The following RAB3GAP1 variants were observed in gnomAD, a reference collection of about 807,000 sequenced individuals.
RAB3GAP1 encodes the protein rab3 GTPase-activating protein catalytic subunit.
RAB3GAP1 carries 86 observed loss-of-function variants against 130.7 expected under a neutral mutation model. The observed-to-expected ratio is 0.66, with a 90% CI of 0.55 to 0.79. The LOEUF (loss-of-function observed/expected upper bound fraction) is 0.79, where lower values mean the gene tolerates loss of function less well. RAB3GAP1 is among the 30% of genes least tolerant of loss of function. The pLI is 0.00. For missense variants in RAB3GAP1, 1,029 were observed against 1,169.4 expected (o/e 0.88, Z 1.75); for synonymous variants, 367 against 401.7 (o/e 0.91, Z 1.03).
chr2:135,109,359 A>T (rs1481949179), intron 5 of RAB3GAP1, among the ~76,000 whole-genome samples: 2 of 152,044 alleles, frequency 1.3e-5, no homozygotes, highest in African/African-American at 2.4e-5. Context: ...GGTGGTAACC[A>T]TAATTATTTT....
At chr2:135,145,787 A>C (rs528564307) in intron 17 of RAB3GAP1, among the ~76,000 whole-genome samples, 1 of 152,322 alleles carries the variant, frequency 6.6e-6, no homozygotes, top group East Asian at 1.9e-4. Context: ...TCAAGATGCA[A>C]GGATTACTTA....
intron 9 of RAB3GAP1, among the ~76,000 whole-genome samples, chr2:135,124,540 C>G (rs1226389850): frequency 1.3e-5 from 2 of 152,040 alleles, no homozygotes; most frequent in East Asian, 3.9e-4. Context: ...TTGCGCACAC[C>G]TGTAATCCCA....
chr2:135,173,385 G>A (rs1456693079), downstream of RAB3GAP1, among the ~76,000 whole-genome samples: 1 of 151,984 alleles, frequency 6.6e-6, no homozygotes, highest in Non-Finnish European at 1.5e-5. Flanking sequence ...TACTAAGGCA[G>A]AAGGAAAACC....
chr2:135,101,191 T>C (rs1274636602), intron 5 of RAB3GAP1, among the ~76,000 whole-genome samples: 2 of 152,220 alleles, frequency 1.3e-5, no homozygotes, highest in Non-Finnish European at 2.9e-5. Context: ...TCTCCTTCTG[T>C]TTTATTCATA....
At chr2:135,132,784 G>T (rs942574272) in intron 13 of RAB3GAP1, 111 bp from the exon 14 acceptor site, 2 of 709,824 alleles carry the variant, frequency 2.8e-6, no homozygotes, top group African/African-American at 1.8e-5. Flanking sequence ...CATTTCTATT[G>T]TTAGAGCAGC....
At chr2:135,161,527 T>G (rs541366733) in intron 19 of RAB3GAP1, among the ~76,000 whole-genome samples, 2 of 152,136 alleles carry the variant, frequency 1.3e-5, no homozygotes, top group African/African-American at 4.8e-5. Flanking sequence ...AAAGAATGAT[T>G]TGTAGTTAAT....
At chr2:135,091,775 A>G (rs572611943) in intron 4 of RAB3GAP1, among the ~76,000 whole-genome samples, 1 of 152,312 alleles carries the variant, frequency 6.6e-6, no homozygotes, top group East Asian at 1.9e-4. Context: ...CAGGTACTCA[A>G]TAAATGGTGT....
chr2:135,094,498 A>G (rs574045227), intron 5 of RAB3GAP1, among the ~76,000 whole-genome samples: 7 of 151,896 alleles, frequency 4.6e-5, no homozygotes, highest in Non-Finnish European at 1.0e-4. Context: ...TTTCTATCCA[A>G]CTGTATTTTT....
chr2:135,135,120 T>G, intron 15 of RAB3GAP1, 145 bp from the exon 16 acceptor site: 1 of 694,872 alleles, frequency 1.4e-6, no homozygotes, highest in Non-Finnish European at 2.6e-6. Flanking sequence ...GTGCTCCCCC[T>G]CTGGAATTCA....
intron 3 of RAB3GAP1, chr2:135,089,583 G>A (rs1161941250): frequency 6.5e-6 from 1 of 152,932 alleles, no homozygotes; most frequent in African/African-American, 2.4e-5. Flanking sequence ...TCCCATTACT[G>A]GGTATATACC....
At chr2:135,163,148 C>T (rs753839650) in intron 22 of RAB3GAP1, 47 bp downstream of exon 22, 2 of 1,313,594 alleles carry the variant, frequency 1.5e-6, no homozygotes, top group Non-Finnish European at 2.2e-6. Context: ...TAGGAAAAGC[C>T]ACCACTCTCT....
chr2:135,117,486 T>G (rs200242573), intron 7 of RAB3GAP1, among the ~76,000 whole-genome samples: 70 of 133,272 alleles, frequency 5.3e-4, no homozygotes, highest in East Asian at 2.2e-3. Context: ...TTCTTCTGCT[T>G]CTTCTTCTGC....
At chr2:135,171,840 C>T (rs995474551), downstream of RAB3GAP1, among the ~76,000 whole-genome samples, 1 of 152,088 alleles carries the variant, frequency 6.6e-6, no homozygotes, top group African/African-American at 2.4e-5. Flanking sequence ...GAGGCAGTGA[C>T]ACTTGGGCAG....
chr2:135,078,270 T>G (rs1349249707), intron 3 of RAB3GAP1, among the ~76,000 whole-genome samples: 1 of 152,168 alleles, frequency 6.6e-6, no homozygotes, highest in East Asian at 1.9e-4. Context: ...CTTCTAGATT[T>G]CATACTGTAT....
At chr2:135,069,887 G>GA (rs775707960) in intron 3 of RAB3GAP1, among the ~76,000 whole-genome samples, 1 of 151,816 alleles carries the variant, frequency 6.6e-6, no homozygotes, top group Non-Finnish European at 1.5e-5. Context: ...TCCAGGAAAG[G>GA]AAAAAAAATT....
intron 17 of RAB3GAP1, among the ~76,000 whole-genome samples, chr2:135,140,905 C>G (rs1042741348): frequency 6.6e-6 from 1 of 152,186 alleles, no homozygotes; most frequent in East Asian, 1.9e-4. Context: ...TTCAAGCAGG[C>G]CTTTCTAAGA....
rs766230704 is a variant in RAB3GAP1 at position 135,115,321 on chromosome 2, A to G, written c.588A>G (p.Arg196=). The change falls in exon 7 of 24, where the codon AGA becomes AGG. Residue 196 remains arginine, a synonymous_variant. Transcript: ENST00000264158. The stretch of plus-strand genomic sequence containing the variant: ...CTGATTTCGAAATGGTTCATCTTAG[A>G]AAAGTGCCAAATCAGTACACTCACT... ...VRTDFEMVHL[R]KVPNQYTHLS... 6.2e-7 allele frequency: 1 copy of G among 1,613,906 alleles called. No individual in the cohort carries two copies. Among genetic ancestry groups the G allele is most frequent in the African/African-American group, 1.3e-5 (1 of 75,054 alleles).
At chr2:135,160,800 T>C (rs548287415) in intron 19 of RAB3GAP1, among the ~76,000 whole-genome samples, 1 of 152,082 alleles carries the variant, frequency 6.6e-6, no homozygotes, top group Admixed American at 6.5e-5. Context: ...ATCAGAATCA[T>C]TTGCATTTTG....
downstream of RAB3GAP1, among the ~76,000 whole-genome samples, chr2:135,174,833 G>A (rs1692960190): frequency 6.6e-6 from 1 of 152,238 alleles, no homozygotes; most frequent in Non-Finnish European, 1.5e-5. Context: ...CGAAGGGAGT[G>A]CGACGGTGGG....
Sources: allele counts gnomAD v4.1 joint callset (sites outside exome capture counted in the v4.1 genomes callset), GRCh38; gene constraint gnomAD v4.1.1; transcripts MANE v1.5; gene names NCBI Gene and HGNC (gene_info 2026-07-23, HGNC 2026-07-21).